Variants in TK1 observed in about 807,000 individuals in gnomAD.
TK1 encodes thymidine kinase 1.
In TK1, 13 loss-of-function variants were observed where a neutral mutation model predicts 22.4. The observed-to-expected ratio is 0.58, with a 90% CI of 0.38 to 0.92. The LOEUF (loss-of-function observed/expected upper bound fraction) is 0.92. Among genes scored for constraint, TK1 ranks in the 40% least tolerant of loss-of-function variants. The probability of loss-of-function intolerance (pLI) is 0.00; values close to 1 mark genes in which losing one functional copy is unlikely to be tolerated. For missense variants in TK1, 251 were observed against 315.7 expected (o/e 0.80, Z 1.55); for synonymous variants, 134 against 125.4 (o/e 1.07, Z -0.46).
At chr17:78,181,119 G>A (rs950303994) in intron 4 of TK1, among the ~76,000 whole-genome samples, 3 of 130,548 alleles carry the variant, frequency 2.3e-5, no homozygotes, top group Non-Finnish European at 5.2e-5. Flanking sequence ...ATGGTGGCAC[G>A]CACCTGTGAT....
chr17:78,176,093 AG>A (rs2075697586), intron 4 of TK1, among the ~76,000 whole-genome samples: 1 of 152,188 alleles, frequency 6.6e-6, no homozygotes, highest in Non-Finnish European at 1.5e-5. Flanking sequence ...TTCGGTGAAT[AG>A]GTGGGCGCTT....
chr17:78,183,627 G>T (rs576621427), intron 3 of TK1: 1 of 152,136 alleles, frequency 6.6e-6, no homozygotes, highest in Non-Finnish European at 1.5e-5. Flanking sequence ...AGGGTTTGGG[G>T]TCACGTAACA....
intron 4 of TK1, among the ~76,000 whole-genome samples, chr17:78,180,622 A>T (rs1363076990): frequency 1.3e-5 from 2 of 152,232 alleles, no homozygotes; most frequent in Non-Finnish European, 2.9e-5. Context: ...TTTAAAAATA[A>T]CCCAACAGTA....
chr17:78,179,512 T>C (rs905274132), intron 4 of TK1: 19 of 985,084 alleles, frequency 1.9e-5, no homozygotes, highest in African/African-American at 1.1e-4. Flanking sequence ...CAGCCTCAAC[T>C]CCACAGGGCA....
At chr17:78,185,241 G>A (rs2075773610) in intron 2 of TK1, 76 bp from the exon 3 acceptor site, 2 of 1,148,014 alleles carry the variant, frequency 1.7e-6, no homozygotes, top group South Asian at 2.6e-5. Flanking sequence ...CAACAAGCCT[G>A]GCTCCTCATT....
chr17:78,185,622 T>C (rs2075779723), intron 2 of TK1, among the ~76,000 whole-genome samples: 1 of 152,124 alleles, frequency 6.6e-6, no homozygotes, highest in Non-Finnish European at 1.5e-5. Flanking sequence ...CCTTCCGGGT[T>C]CAAGAGATTC....
intron 4 of TK1, among the ~76,000 whole-genome samples, chr17:78,182,135 A>C (rs1435374600): frequency 6.6e-6 from 1 of 152,088 alleles, no homozygotes; most frequent in Non-Finnish European, 1.5e-5. Flanking sequence ...GCGCTTTGGG[A>C]GTTCAAGGCG....
chr17:78,184,356 C>T (rs2075763932), intron 3 of TK1, among the ~76,000 whole-genome samples: 1 of 152,226 alleles, frequency 6.6e-6, no homozygotes, highest in Non-Finnish European at 1.5e-5. Context: ...ATGTGTGGCA[C>T]AGCATGGCTT....
At chr17:78,178,074 T>C (rs1447898247) in intron 4 of TK1, among the ~76,000 whole-genome samples, 13 of 152,180 alleles carry the variant, frequency 8.5e-5, no homozygotes, top group Admixed American at 8.5e-4. Context: ...TTTCACCATG[T>C]TGGCCTGGCT....
intron 4 of TK1, among the ~76,000 whole-genome samples, chr17:78,177,041 C>G (rs1366680730): frequency 6.6e-6 from 1 of 152,162 alleles, no homozygotes; most frequent in Non-Finnish European, 1.5e-5. Flanking sequence ...CCCACTCACT[C>G]CACCTCTTGA....
intron 3 of TK1, among the ~76,000 whole-genome samples, chr17:78,183,004 G>C (rs544879961): frequency 2.7e-4 from 41 of 152,252 alleles, no homozygotes; most frequent in African/African-American, 9.6e-4. Flanking sequence ...GAGTAGCTGG[G>C]ACTACTGGCA....
At chr17:78,180,566 G>C (rs959238794) in intron 4 of TK1, among the ~76,000 whole-genome samples, 2 of 152,156 alleles carry the variant, frequency 1.3e-5, no homozygotes, top group Non-Finnish European at 2.9e-5. Context: ...ATCTGGAAAA[G>C]TCTAAGAAAA....
At chr17:78,179,079 G>C (rs1488746588) in intron 4 of TK1, 1 of 837,784 alleles carries the variant, frequency 1.2e-6, no homozygotes, top group African/African-American at 1.8e-5. Context: ...GGAAGGAGAA[G>C]GGAAAGGTTT....
In TK1 at chr17:78,185,148, C is replaced by T. The variant is rs368803383; in HGVS notation, c.116G>A (p.Arg39His). ...FSGKSTELMR[R>H]VRRFQIAQYK... ...CTGAGCAATCTGGAAGCGACGGACG[C>T]GTCTCATCAACTCTGTGCTGCAAGA... The change falls in exon 3 of 7, where the codon CGC becomes CAC. Residue 39 changes from arginine to histidine, a missense_variant. Arg to His is a conservative substitution (Grantham distance 29). Transcript: ENST00000301634. 3.2e-5 allele frequency: 51 copies of T among 1,612,274 alleles called. 1 individual carries two copies. The highest frequency in any genetic ancestry group is 6.7e-5 in the East Asian group (3 of 44,846).
chr17:78,179,063 T>C lies in TK1; in HGVS notation c.304-3445A>G, dbSNP rs111961724. ...TGGCTCCTGACTCAGGGCATTTGGA[T>C]GTCGAGGAAGGAGAAGGGAAAGGTT... On this transcript the variant is annotated intron_variant, in intron 4 of 6. Coordinates refer to ENST00000301634, the MANE Select transcript of TK1 (RefSeq NM_003258.5). The C allele has an allele frequency of 1.0e-4, 71 of 688,294 alleles. No homozygotes were observed. The African/African-American group carries it at 1.1e-3, about 11-fold the overall frequency. 42.6% of individuals were successfully genotyped at this position (688,294 alleles called of 1,614,324 possible).
intron 5 of TK1, 46 bp from the exon 6 acceptor site, chr17:78,175,215 G>A: frequency 6.3e-7 from 1 of 1,587,088 alleles, no homozygotes; most frequent in Non-Finnish European, 8.5e-7. Flanking sequence ...ACCTTACCAG[G>A]TGGGTTTTTC....
intron 4 of TK1, among the ~76,000 whole-genome samples, chr17:78,176,548 G>A (rs149835282): frequency 0.016 from 2,393 of 152,218 alleles, 71 homozygotes; most frequent in African/African-American, 0.054. Context: ...GACTGATTGC[G>A]CTCAGCTGAC....
chr17:78,182,536 G>T (rs1484093784), intron 4 of TK1, 53 bp downstream of exon 4: 1 of 1,405,476 alleles, frequency 7.1e-7, no homozygotes. Flanking sequence ...GGGAAAACGG[G>T]AGGACAGAGC....
intron 2 of TK1, among the ~76,000 whole-genome samples, chr17:78,186,128 C>CGGGG (rs60025049): frequency 0.038 from 5,631 of 146,660 alleles, 387 homozygotes; most frequent in African/African-American, 0.12. Context: ...TGGGTGGAGG[C>CGGGG]GGGGGGGTGC....
Sources: allele counts gnomAD v4.1 joint callset (sites outside exome capture counted in the v4.1 genomes callset), GRCh38; gene constraint gnomAD v4.1.1; transcripts MANE v1.5; gene names NCBI Gene and HGNC (gene_info 2026-07-23, HGNC 2026-07-21).